The following ANO10 variants were observed in gnomAD, a reference collection of about 807,000 sequenced individuals.
ANO10 encodes the protein anoctamin-10.
ANO10 carries 77 observed loss-of-function variants against 74.7 expected under a neutral mutation model. The observed-to-expected ratio is 1.03, with a 90% CI of 0.86 to 1.25. The LOEUF is 1.25. Ranked by LOEUF, ANO10 falls within the 50% of genes most tolerant of loss-of-function variation. The pLI is 0.00. For missense variants in ANO10, 721 were observed against 778.1 expected, an observed-to-expected ratio of 0.93 and a Z score of 0.87; for synonymous variants, 279 against 284.9, an observed-to-expected ratio of 0.98 and a Z score of 0.21.
chr3:43,433,022 C>T (rs143446089), intron 11 of ANO10, among the ~76,000 whole-genome samples: 17 of 133,384 alleles, frequency 1.3e-4, no homozygotes, highest in East Asian at 2.5e-4. Context: ...TGCAGTGGCA[C>T]GATCTTGGCT....
chr3:43,684,579 A>G (rs1445158766), intron 1 of ANO10, among the ~76,000 whole-genome samples: 11 of 152,154 alleles, frequency 7.2e-5, no homozygotes, highest in Non-Finnish European at 1.5e-4. Context: ...TCCCATTACT[A>G]GGTATATACC....
At chr3:43,443,679 C>CTTTTT (rs59685910) in intron 11 of ANO10, among the ~76,000 whole-genome samples, 13 of 122,002 alleles carry the variant, frequency 1.1e-4, no homozygotes, top group African/African-American at 2.5e-4. Context: ...TTCCTTCCTT[C>CTTTTT]TTTTTTTTTT....
chr3:43,592,632 C>T (rs1175447337), intron 4 of ANO10, among the ~76,000 whole-genome samples: 4 of 152,174 alleles, frequency 2.6e-5, no homozygotes, highest in South Asian at 2.1e-4. Context: ...TAGATAAAAT[C>T]ATAAAGATGG....
At chr3:43,599,588 G>A (rs751615762) in intron 3 of ANO10, among the ~76,000 whole-genome samples, 6 of 152,100 alleles carry the variant, frequency 3.9e-5, no homozygotes, top group Admixed American at 6.6e-5. Flanking sequence ...CTTTTTACAT[G>A]ATTGTTTTCT....
intron 11 of ANO10, among the ~76,000 whole-genome samples, chr3:43,451,217 AG>A (rs1045264947): frequency 1.3e-5 from 2 of 152,208 alleles, no homozygotes; most frequent in African/African-American, 4.8e-5. Flanking sequence ...TCAGAACTGA[AG>A]GAATTATTCT....
chr3:43,690,954 G>A, intron 1 of ANO10: 1 of 1,550,132 alleles, frequency 6.5e-7, no homozygotes, highest in Non-Finnish European at 8.7e-7. Context: ...CCTGTCAGCC[G>A]GCTTCGAGAT....
chr3:43,595,217 T>C (rs2082015776), intron 4 of ANO10, among the ~76,000 whole-genome samples: 1 of 152,164 alleles, frequency 6.6e-6, no homozygotes, highest in Non-Finnish European at 1.5e-5. Flanking sequence ...CTTCTGAAAC[T>C]ATTCCAATCA....
At chr3:43,603,033 C>CAA (rs1360796573) in intron 2 of ANO10, among the ~76,000 whole-genome samples, 3 of 152,334 alleles carry the variant, frequency 2.0e-5, no homozygotes, top group Admixed American at 6.5e-5. Context: ...CCTTTGGTTT[C>CAA]AAGTCAGTAG....
At chr3:43,434,056 C>CT (rs1393799934) in intron 11 of ANO10, among the ~76,000 whole-genome samples, 2 of 152,054 alleles carry the variant, frequency 1.3e-5, no homozygotes, top group African/African-American at 4.8e-5. Flanking sequence ...CAGATATCTC[C>CT]TGGGAGAAGC....
At chr3:43,500,248 T>C (rs189203263) in intron 11 of ANO10, among the ~76,000 whole-genome samples, 1 of 152,256 alleles carries the variant, frequency 6.6e-6, no homozygotes, top group East Asian at 1.9e-4. Flanking sequence ...AAAATCCTCT[T>C]ATGTGGCCTC....
chr3:43,493,031 C>T (rs2076783626), intron 11 of ANO10, among the ~76,000 whole-genome samples: 2 of 152,084 alleles, frequency 1.3e-5, no homozygotes, highest in South Asian at 4.2e-4. Flanking sequence ...AGACTTGGAA[C>T]CAACCCAAAT....
rs537220274 is a variant in ANO10, at chr3:43,680,595, C to T, written c.-12+10922G>A. ...AAATACAGAGACCACCACAAAGATA[C>T]TCCTCGAGAAGAGCAACTCCAAGAC... On this transcript the variant is annotated intron_variant, in intron 1 of 3. Transcript: ENST00000413397. Among the ~76,000 whole-genome samples, 6 of 152,268 alleles carry T rather than the reference C, an allele frequency of 3.9e-5. No homozygotes were observed. In the South Asian group the frequency reaches 6.2e-4, roughly 16 times the overall value.
At chr3:43,550,058 A>C (rs527271253) in intron 10 of ANO10, among the ~76,000 whole-genome samples, 3 of 152,264 alleles carry the variant, frequency 2.0e-5, no homozygotes, top group East Asian at 3.9e-4. Flanking sequence ...TACTTTTGGC[A>C]TGAATATCCC....
At chr3:43,582,181 G>A (rs2149420098) in intron 4 of ANO10, among the ~76,000 whole-genome samples, 1 of 152,236 alleles carries the variant, frequency 6.6e-6, no homozygotes, top group South Asian at 2.1e-4. Context: ...GCTGGGCGCG[G>A]TGGCTCACAC....
intron 12 of ANO10, among the ~76,000 whole-genome samples, chr3:43,381,113 C>G (rs931015024): frequency 6.6e-6 from 1 of 152,122 alleles, no homozygotes; most frequent in African/African-American, 2.4e-5. Context: ...GGGTAACCGC[C>G]CCCATGATTA....
intron 12 of ANO10, among the ~76,000 whole-genome samples, chr3:43,412,070 A>T (rs1386654728): frequency 6.7e-6 from 1 of 148,512 alleles, no homozygotes; most frequent in African/African-American, 2.4e-5. Context: ...ATGTATATAT[A>T]TATTATTTTA....
At chr3:43,682,485 G>C (rs932622830) in intron 1 of ANO10, among the ~76,000 whole-genome samples, 1 of 152,094 alleles carries the variant, frequency 6.6e-6, no homozygotes, top group Non-Finnish European at 1.5e-5. Context: ...ATTCACAGCC[G>C]AATTCTACCA....
intron 12 of ANO10, among the ~76,000 whole-genome samples, chr3:43,403,464 G>C (rs1041175073): frequency 6.6e-6 from 1 of 152,166 alleles, no homozygotes. Flanking sequence ...GGCCCATGTG[G>C]GTCCAACAGC....
chr3:43,477,691 C>T (rs2076117904), intron 11 of ANO10, among the ~76,000 whole-genome samples: 1 of 152,176 alleles, frequency 6.6e-6, no homozygotes, highest in South Asian at 2.1e-4. Flanking sequence ...AATGTTCTAA[C>T]ATCCCCTATA....
Sources: allele counts gnomAD v4.1 joint callset (sites outside exome capture counted in the v4.1 genomes callset), GRCh38; gene constraint gnomAD v4.1.1; transcripts MANE v1.5; gene names NCBI Gene and HGNC (gene_info 2026-07-23, HGNC 2026-07-21).